The following ATXN10 variants were observed in gnomAD, a reference collection of about 807,000 sequenced individuals.
The protein encoded by ATXN10 is ataxin 10.
Under a neutral mutation model 52.9 loss-of-function variants are expected in ATXN10, and 28 were observed. The ratio of observed to expected loss-of-function variants is 0.53; its 90% CI spans 0.39 to 0.73. The LOEUF (loss-of-function observed/expected upper bound fraction) is 0.73, where lower values mean the gene tolerates loss of function less well. ATXN10 is among the 30% of genes least tolerant of loss of function. The pLI, the probability that ATXN10 is intolerant of heterozygous loss-of-function variation, is 0.00. For missense variants in ATXN10, 565 were observed against 577.0 expected (o/e 0.98, Z 0.21); for synonymous variants, 226 against 221.5 (o/e 1.02, Z -0.18).
Position 45,842,932 on chromosome 22 carries a change from C to T in ATXN10, c.1238-59C>T, listed in dbSNP as rs1041116067. 19 of 1,549,546 alleles carry T rather than the reference C, an allele frequency of 1.2e-5. No individual in the cohort carries two copies. The highest frequency in any genetic ancestry group is 1.7e-4 in the Middle Eastern group (1 of 5,940). On this transcript the variant is annotated intron_variant, in intron 10 of 11. Transcript: ENST00000252934. This position sits in a 1 kb window ranked among gnomAD's most constrained non-coding sequence, Gnocchi z 4.8. Reference sequence around the variant, plus strand: ...CTCCTCTACTCCTTTTCTGATAATTCTTATGTGAAGTTATCAAACAGGAAA... The same window carrying T: ...CTCCTCTACTCCTTTTCTGATAATTTTTATGTGAAGTTATCAAACAGGAAA...
intron 6 of ATXN10, among the ~76,000 whole-genome samples, chr22:45,729,126 A>C (rs975520200): frequency 6.6e-6 from 1 of 152,250 alleles, no homozygotes; most frequent in Non-Finnish European, 1.5e-5. Context: ...CGATGTGTTC[A>C]TACAAAAAAC....
intron 9 of ATXN10, among the ~76,000 whole-genome samples, chr22:45,778,318 C>T (rs910339652): frequency 1.3e-5 from 2 of 152,204 alleles, no homozygotes; most frequent in Non-Finnish European, 2.9e-5. Context: ...AGGCCCTGCT[C>T]CAAGCTCAGG....
chr22:45,799,760 G>A (rs988499443), intron 9 of ATXN10, among the ~76,000 whole-genome samples: 7 of 152,092 alleles, frequency 4.6e-5, no homozygotes, highest in Admixed American at 1.3e-4. Context: ...TAATACAATT[G>A]CCAAAACAAT....
chr22:45,693,508 G>C (rs1205728577), intron 3 of ATXN10, among the ~76,000 whole-genome samples: 1 of 152,102 alleles, frequency 6.6e-6, no homozygotes, highest in Non-Finnish European at 1.5e-5. Context: ...CAAGCTCTCT[G>C]GGCCCCTTTT....
At position 45,797,266 on chromosome 22, in the gene ATXN10, G is replaced by T. The variant is rs565746691; in HGVS notation, c.1174-9693G>T. On this transcript the variant is annotated intron_variant, in intron 9 of 11. Transcript: ENST00000252934. ...ACACTGCACCAATAACAGCATGTAT[G>T]TTCTTTCCAGTACACATAGAACATT... 1.2e-4 allele frequency among the ~76,000 whole-genome samples: 18 copies of T among 152,354 alleles called. No homozygotes were observed. In the South Asian group the frequency reaches 3.7e-3, roughly 32 times the overall value.
At chr22:45,723,593 G>A (rs1053647006) in intron 6 of ATXN10, among the ~76,000 whole-genome samples, 1 of 152,154 alleles carries the variant, frequency 6.6e-6, no homozygotes, top group Non-Finnish European at 1.5e-5. Context: ...GGTACCCATA[G>A]CTTAACTCCC....
At chr22:45,734,507 A>G (rs1453697532) in intron 7 of ATXN10, 1 of 156,172 alleles carries the variant, frequency 6.4e-6, no homozygotes, top group Non-Finnish European at 1.4e-5. Context: ...TGAGGTTATC[A>G]ATTTTATCCT....
chr22:45,803,904 C>T (rs901042288), intron 9 of ATXN10, among the ~76,000 whole-genome samples: 4 of 152,084 alleles, frequency 2.6e-5, no homozygotes, highest in African/African-American at 9.7e-5. Context: ...ATGATCCCCC[C>T]TCCAAGACCC....
Position 45,825,801 on chromosome 22 carries a change from C to T in ATXN10, c.1238-17190C>T, listed in dbSNP as rs1928795280. ...CAATAAAACAATATATGGACAAGCC[C>T]AGGTGCAGTGGCTGACACCAGTAAT... On this transcript the variant is annotated intron_variant, in intron 10 of 11. Coordinates refer to ENST00000252934, the MANE Select transcript of ATXN10 (RefSeq NM_013236.4). This position sits in a 1 kb window ranked among gnomAD's most constrained non-coding sequence, Gnocchi z 4.5. Among the ~76,000 whole-genome samples, 1 of 152,154 alleles carries T rather than the reference C, an allele frequency of 6.6e-6. No homozygotes were observed. The highest frequency in any genetic ancestry group is 1.5e-5 in the Non-Finnish European group (1 of 68,032).
intron 10 of ATXN10, among the ~76,000 whole-genome samples, chr22:45,831,829 G>C (rs981567429): frequency 6.6e-6 from 1 of 152,206 alleles, no homozygotes; most frequent in Non-Finnish European, 1.5e-5. Context: ...GTGAAGTCAC[G>C]TGCCTGATAG....
chr22:45,738,034 T>C (rs1925368487), intron 7 of ATXN10, among the ~76,000 whole-genome samples: 1 of 152,176 alleles, frequency 6.6e-6, no homozygotes, highest in African/African-American at 2.4e-5. Flanking sequence ...ATGGGTACTT[T>C]AAAAATGGGG....
rs532986619 is a variant in ATXN10 at position 45,683,645 on chromosome 22, T to C, written c.117-6067T>C. The stretch of plus-strand genomic sequence containing the variant: ...ATCTTTCTCTAAGCATGTAAAGACA[T>C]TCTCCTTATATTTTCTTCCAAAGCC... On this transcript the variant is annotated intron_variant, in intron 1 of 11. Transcript: ENST00000252934. The surrounding 1 kb of genome is among the most constrained non-coding windows in gnomAD (Gnocchi z 4.8). Among the ~76,000 whole-genome samples, 1 of 152,376 alleles carries C rather than the reference T, an allele frequency of 6.6e-6. No individual in the cohort carries two copies. The highest frequency in any genetic ancestry group is 6.5e-5 in the Admixed American group (1 of 15,310).
Position 45,678,891 on chromosome 22 carries a change from T to A in ATXN10, c.116+6712T>A, listed in dbSNP as rs1163184583. The A allele has an allele frequency of 6.6e-6, 1 of 152,242 alleles. No homozygotes were observed. Among genetic ancestry groups the A allele is most frequent in the East Asian group, 1.9e-4 (1 of 5,206 alleles). 9.4% of individuals were successfully genotyped at this position (152,242 alleles called of 1,614,324 possible). On this transcript the variant is annotated intron_variant, in intron 1 of 11. Coordinates refer to ENST00000252934, the MANE Select transcript of ATXN10 (RefSeq NM_013236.4). This position sits in a 1 kb window ranked among gnomAD's most constrained non-coding sequence, Gnocchi z 4.1. ...TGACATAGGAGTAGCTCACATGCTATTAAATTATTAAATTTAATACATTTG... is the reference window on the plus strand; with the variant it reads ...TGACATAGGAGTAGCTCACATGCTAATAAATTATTAAATTTAATACATTTG...
intron 9 of ATXN10, among the ~76,000 whole-genome samples, chr22:45,752,847 C>T (rs544187017): frequency 7.9e-5 from 12 of 152,054 alleles, no homozygotes; most frequent in African/African-American, 1.7e-4. Flanking sequence ...GATTCTCCTG[C>T]GTCAGCCTCC....
chr22:45,722,709 T>C (rs1010558779), intron 6 of ATXN10, among the ~76,000 whole-genome samples: 1 of 152,020 alleles, frequency 6.6e-6, no homozygotes, highest in Admixed American at 6.5e-5. Flanking sequence ...CCTCATCCGC[T>C]TGGACCCCCG....
rs911508368 is a variant in ATXN10, at chr22:45,733,830, CTTTT to C, written c.894+4247_894+4250del. ...TTTGTTTTCTATAGATCTGCATATC[CTTTT>C]TTTTTTGTTTTCTTTTCAAAGGTCT... On this transcript the variant is annotated intron_variant, in intron 7 of 11. Coordinates refer to ENST00000252934, the MANE Select transcript of ATXN10 (RefSeq NM_013236.4). This position sits in a 1 kb window ranked among gnomAD's most constrained non-coding sequence, Gnocchi z 4.4. 6.9e-6 allele frequency among the ~76,000 whole-genome samples: 1 copy of C among 145,302 alleles called. No individual in the cohort carries two copies. The highest frequency in any genetic ancestry group is 2.5e-5 in the African/African-American group (1 of 39,796).
At chr22:45,797,189 A>T (rs886300638) in intron 9 of ATXN10, among the ~76,000 whole-genome samples, 7 of 152,230 alleles carry the variant, frequency 4.6e-5, no homozygotes, top group African/African-American at 1.7e-4. Flanking sequence ...AGCAGGAGGA[A>T]TATGGAAAAC....
intron 2 of ATXN10, 37 bp from the exon 3 acceptor site, chr22:45,692,959 T>C: frequency 1.3e-6 from 2 of 1,561,322 alleles, no homozygotes; most frequent in Non-Finnish European, 1.8e-6. Flanking sequence ...TATGAATGAA[T>C]GAACATGTCT....
intron 7 of ATXN10, 108 bp downstream of exon 7, chr22:45,729,698 T>C: frequency 8.6e-7 from 1 of 1,166,180 alleles, no homozygotes; most frequent in Non-Finnish European, 1.2e-6. Context: ...AAAAATATTA[T>C]GTAAGTAATG....
Sources: gnomAD v4.1 joint callset for allele counts (sites outside exome capture counted in the v4.1 genomes callset) on GRCh38, gnomAD v4.1.1 for gene constraint, Gnocchi (gnomAD v3.1) non-coding constraint, MANE v1.5 for transcripts, NCBI Gene and HGNC (gene_info 2026-07-23, HGNC 2026-07-21) for gene names.